CRB1: variants seen among roughly 807,000 people sequenced by gnomAD.
CRB1 encodes protein crumbs homolog 1.
Under a neutral mutation model 120.0 loss-of-function variants are expected in CRB1, and 83 were observed. The ratio of observed to expected loss-of-function variants is 0.69; its 90% CI spans 0.58 to 0.83. CRB1 has a LOEUF of 0.83. CRB1 is among the 40% of genes least tolerant of loss of function. The probability of loss-of-function intolerance (pLI) is 0.00; values close to 1 mark genes in which losing one functional copy is unlikely to be tolerated. For synonymous variants in CRB1, 625 were observed against 612.5 expected, an observed-to-expected ratio of 1.02 and a Z score of -0.30; for missense variants, 1,699 against 1,687.6, an observed-to-expected ratio of 1.01 and a Z score of -0.12.
the CRB1 span, among the ~76,000 whole-genome samples, chr1:197,212,574 A>G: frequency 2.0e-5 from 3 of 152,288 alleles, no homozygotes; most frequent in African/African-American, 7.2e-5. Context: ...CAGAAAGCCA[A>G]TCAGTTTGTT....
chr1:197,331,501 A>G (rs1658854502), intron 2 of CRB1, among the ~76,000 whole-genome samples: 1 of 152,164 alleles, frequency 6.6e-6, no homozygotes, highest in African/African-American at 2.4e-5. Context: ...TGCCATACTG[A>G]GGTGTCTCTT....
At chr1:197,403,295 T>G (rs1385421538) in intron 5 of CRB1, among the ~76,000 whole-genome samples, 3 of 152,210 alleles carry the variant, frequency 2.0e-5, no homozygotes, top group Non-Finnish European at 4.4e-5. Flanking sequence ...AACCTTCTTT[T>G]CCTAGCAGCC....
intron 2 of CRB1, among the ~76,000 whole-genome samples, chr1:197,330,335 T>G (rs1033513707): frequency 1.3e-5 from 2 of 152,206 alleles, no homozygotes; most frequent in Non-Finnish European, 2.9e-5. Flanking sequence ...CTTCTCGAAG[T>G]TGTTCTGAAC....
intron 1 of CRB1, among the ~76,000 whole-genome samples, chr1:197,322,561 CTG>C (rs1231771885): frequency 6.6e-6 from 1 of 151,522 alleles, no homozygotes; most frequent in Non-Finnish European, 1.5e-5. Flanking sequence ...ATTAATTTGC[CTG>C]TTTGTTTTTC....
intron 7 of CRB1, among the ~76,000 whole-genome samples, chr1:197,428,695 T>G (rs1664720525): frequency 6.6e-6 from 1 of 152,256 alleles, no homozygotes; most frequent in Admixed American, 6.5e-5. Context: ...ACATTTTCAA[T>G]GTACTAGGCA....
chr1:197,282,223 T>A (rs891274145), intron 1 of CRB1, among the ~76,000 whole-genome samples: 1 of 151,706 alleles, frequency 6.6e-6, no homozygotes, highest in Non-Finnish European at 1.5e-5. Context: ...AATTTCAGAA[T>A]AATAATAAAA....
the CRB1 span, among the ~76,000 whole-genome samples, chr1:197,243,946 T>A: frequency 2.0e-5 from 3 of 152,194 alleles, no homozygotes; most frequent in Admixed American, 1.3e-4. Flanking sequence ...TTTGTCTTTT[T>A]TGATCTTTGT....
At chr1:197,402,216 A>G (rs1381016651) in intron 5 of CRB1, among the ~76,000 whole-genome samples, 1 of 152,016 alleles carries the variant, frequency 6.6e-6, no homozygotes, top group East Asian at 1.9e-4. Flanking sequence ...CTTACCCTCC[A>G]TCCCCAAGGA....
At chr1:197,440,425 C>T (rs998335381) in intron 10 of CRB1, 12 of 152,294 alleles carry the variant, frequency 7.9e-5, no homozygotes, top group African/African-American at 2.9e-4. Context: ...ACTGGAAAAA[C>T]TTACATGATG....
intron 1 of CRB1, among the ~76,000 whole-genome samples, chr1:197,308,849 CAT>C (rs893759901): frequency 2.7e-5 from 4 of 150,544 alleles, no homozygotes; most frequent in African/African-American, 7.3e-5. Context: ...AATTTATAAA[CAT>C]ATAAAAATGT....
intron 1 of CRB1, among the ~76,000 whole-genome samples, chr1:197,324,481 A>C (rs1658384010): frequency 3.3e-5 from 5 of 152,220 alleles, no homozygotes; most frequent in South Asian, 4.1e-4. Flanking sequence ...TATGTGTATT[A>C]TCTCTTTTAT....
At chr1:197,344,766 A>G (rs568421309) in intron 3 of CRB1, among the ~76,000 whole-genome samples, 1 of 152,320 alleles carries the variant, frequency 6.6e-6, no homozygotes, top group African/African-American at 2.4e-5. Context: ...TAGATAGGAA[A>G]GGTGCAAAAA....
chr1:197,451,336 C>A (rs558409263), intron 11 of CRB1, among the ~76,000 whole-genome samples: 2 of 152,144 alleles, frequency 1.3e-5, no homozygotes, highest in East Asian at 3.9e-4. Context: ...ATGACATTTG[C>A]GAATTTTAGT....
At chr1:197,461,945 A>G (rs930438678) in intron 11 of CRB1, among the ~76,000 whole-genome samples, 2 of 152,184 alleles carry the variant, frequency 1.3e-5, no homozygotes, top group African/African-American at 2.4e-5. Context: ...TAGTTTTCTC[A>G]AGATAGAAAT....
intron 10 of CRB1, 184 bp from the exon 11 acceptor site, chr1:197,441,982 A>G: frequency 1.5e-6 from 1 of 686,110 alleles, no homozygotes; most frequent in Non-Finnish European, 2.6e-6. Flanking sequence ...TTTCCATTAA[A>G]CCCCAAATGT....
intron 2 of CRB1, among the ~76,000 whole-genome samples, chr1:197,341,617 G>A (rs3790370): frequency 0.1 from 15,907 of 152,036 alleles, 1,979 homozygotes; most frequent in East Asian, 0.69. Context: ...ATGTGAAAAC[G>A]TCACAGGGAA....
intron 5 of CRB1, among the ~76,000 whole-genome samples, chr1:197,416,866 C>A (rs139093677): frequency 6.6e-6 from 1 of 152,212 alleles, no homozygotes; most frequent in Non-Finnish European, 1.5e-5. Context: ...CACGCCACCA[C>A]GCCTGGCTAA....
chr1:197,319,594 C>CT (rs1405661147), intron 1 of CRB1, among the ~76,000 whole-genome samples: 1 of 151,924 alleles, frequency 6.6e-6, no homozygotes, highest in Non-Finnish European at 1.5e-5. Context: ...ATTACAATTT[C>CT]TTTTCTCTCT....
the CRB1 span, among the ~76,000 whole-genome samples, chr1:197,223,980 C>T: frequency 6.6e-6 from 1 of 152,030 alleles, no homozygotes; most frequent in Non-Finnish European, 1.5e-5. Flanking sequence ...AACTTCTCCC[C>T]CTGTGTAAGG....
Sources: allele counts gnomAD v4.1 joint callset (sites outside exome capture counted in the v4.1 genomes callset), GRCh38; gene constraint gnomAD v4.1.1; transcripts MANE v1.5; gene names NCBI Gene and HGNC (gene_info 2026-07-23, HGNC 2026-07-21).